DCD: variants seen among roughly 807,000 people sequenced by gnomAD.
The protein encoded by DCD is diffusible survival/evasion peptide.
Under a neutral mutation model 14.5 loss-of-function variants are expected in DCD, and 17 were observed. The ratio of observed to expected loss-of-function variants is 1.18; its 90% confidence interval spans 0.81 to 1.76. DCD has a LOEUF of 1.76. Among genes scored for constraint, DCD ranks in the 40% most tolerant of loss-of-function variants. The probability of loss-of-function intolerance (pLI) is 0.00; values close to 1 mark genes in which losing one functional copy is unlikely to be tolerated. For synonymous variants in DCD, 64 were observed against 54.0 expected, an observed-to-expected ratio of 1.19 and a Z score of -0.82; for missense variants, 139 against 133.4, an observed-to-expected ratio of 1.04 and a Z score of -0.21.
intron 4 of DCD, 134 bp from the exon 5 acceptor site, chr12:54,644,890 G>A (rs1958244039): frequency 6.4e-7 from 1 of 1,550,810 alleles, no homozygotes; most frequent in Admixed American, 2.0e-5. Context: ...TTACACAGAA[G>A]TCAGAGGGAT....
intron 2 of DCD, among the ~76,000 whole-genome samples, chr12:54,646,496 T>C (rs1958262350): frequency 6.6e-6 from 1 of 151,762 alleles, no homozygotes; most frequent in East Asian, 1.9e-4. Flanking sequence ...AGAGGCACCA[T>C]ACACACCAGG....
chr12:54,645,552 T>A (rs1393224883), intron 3 of DCD, 54 bp downstream of exon 3: 1 of 1,491,906 alleles, frequency 6.7e-7, no homozygotes, highest in African/African-American at 1.4e-5. Flanking sequence ...CCCCCAGATA[T>A]CTTGCTGTTT....
intron 1 of DCD, among the ~76,000 whole-genome samples, chr12:54,647,461 C>G (rs1336926229): frequency 6.6e-6 from 1 of 152,194 alleles, no homozygotes; most frequent in African/African-American, 2.4e-5. Context: ...GTTGAAGGGG[C>G]ATGACCACGA....
chr12:54,644,920 G>A (rs7301225), intron 4 of DCD, 164 bp from the exon 5 acceptor site: 30 of 1,549,468 alleles, frequency 1.9e-5, no homozygotes, highest in Non-Finnish European at 2.4e-5. Flanking sequence ...ATTCACAGGA[G>A]CCCCAAAGAC....
intron 2 of DCD, chr12:54,646,200 G>T: frequency 2.2e-6 from 1 of 454,282 alleles, no homozygotes; most frequent in Non-Finnish European, 4.4e-6. Flanking sequence ...CGCTCCAGGG[G>T]CATCTGAGAA....
chr12:54,647,052 C>T (rs1958266902), intron 2 of DCD, 69 bp downstream of exon 2: 5 of 1,492,024 alleles, frequency 3.4e-6, no homozygotes, highest in Non-Finnish European at 4.5e-6. Context: ...CTCTGACTTC[C>T]TCCACTCATA....
chr12:54,645,392 C>T, intron 3 of DCD, 130 bp from the exon 4 acceptor site: 1 of 984,350 alleles, frequency 1.0e-6, no homozygotes, highest in African/African-American at 1.6e-5. Context: ...GAACCAACTT[C>T]TCTGTCATGG....
intron 2 of DCD, among the ~76,000 whole-genome samples, chr12:54,646,301 T>C (rs532327228): frequency 6.6e-6 from 1 of 151,844 alleles, no homozygotes; most frequent in African/African-American, 2.4e-5. Flanking sequence ...CGCAGTGCAG[T>C]GAAGATGTGC....
chr12:54,647,091 A>G (rs1279659911), intron 2 of DCD, 30 bp downstream of exon 2: 1 of 1,551,198 alleles, frequency 6.4e-7, no homozygotes, highest in Non-Finnish European at 8.7e-7. Flanking sequence ...CCCACCCAGG[A>G]CTGGGGCAGG....
chr12:54,645,087 A>T, intron 4 of DCD, 86 bp downstream of exon 4: 1 of 1,516,260 alleles, frequency 6.6e-7, no homozygotes, highest in South Asian at 1.1e-5. Flanking sequence ...GGGGTCTTCA[A>T]TGGGGGGGCT....
intron 2 of DCD, among the ~76,000 whole-genome samples, chr12:54,646,689 T>A (rs935677738): frequency 6.6e-6 from 1 of 152,122 alleles, no homozygotes; most frequent in Non-Finnish European, 1.5e-5. Flanking sequence ...GAAATTATAT[T>A]TGAAAAGTAC....
intron 2 of DCD, chr12:54,645,963 T>A (rs1169952038): frequency 5.8e-6 from 3 of 517,830 alleles, no homozygotes; most frequent in Non-Finnish European, 3.7e-6. Flanking sequence ...AAAAGTAAAG[T>A]CATTTTGGCA....
intron 4 of DCD, 79 bp downstream of exon 4, chr12:54,645,094 G>C (rs553784242): frequency 2.3e-5 from 35 of 1,522,006 alleles, no homozygotes; most frequent in African/African-American, 4.1e-5. Flanking sequence ...TCAATGGGGG[G>C]GCTGTGGCAG....
chr12:54,645,697 T>G lies in DCD; in HGVS notation c.108A>C (p.Glu36Asp). 6.2e-7 allele frequency: 1 copy of G among 1,614,018 alleles called. No homozygotes were observed. ...CATTTTCCTTTTGAGCTGCTGATGC[T>G]TCATGGCAAGCTGCAAGGGTAAGGG... ...SAPGSGNPCHEASAAQKENAG... is the reference protein window; with the variant it reads ...SAPGSGNPCHDASAAQKENAG... The change falls in exon 3 of 5, where the codon GAA (glutamate) becomes GAC (aspartate). Residue 36 changes from glutamate (E) to aspartate (D), a missense_variant. Physicochemically the swap from Glu to Asp is conservative, Grantham distance 45. Coordinates refer to ENST00000293371, the MANE Select transcript of DCD (RefSeq NM_053283.4).
chr12:54,645,724 G>A lies in DCD; in HGVS notation c.98-17C>T. On this transcript the variant is annotated splice_polypyrimidine_tract_variant and intron_variant, in intron 2 of 4. Coordinates refer to ENST00000293371, the MANE Select transcript of DCD (RefSeq NM_053283.4). ...CATGGCAAGCTGCAAGGGTAAGGGAGTGAGAGGAATAATAGCTATTTCACT... is the reference window on the plus strand; with the variant it reads ...CATGGCAAGCTGCAAGGGTAAGGGAATGAGAGGAATAATAGCTATTTCACT... 1.2e-6 allele frequency: 2 copies of A among 1,605,970 alleles called. No homozygotes were observed. The highest frequency in any genetic ancestry group is 1.7e-6 in the Non-Finnish European group (2 of 1,172,692).
In DCD at chr12:54,644,623, AATTT is replaced by A; in HGVS notation, c.*86_*89del. On this transcript the variant is annotated 3_prime_UTR_variant, in exon 5 of 5. Coordinates refer to ENST00000293371, the MANE Select transcript of DCD (RefSeq NM_053283.4). The stretch of plus-strand genomic sequence containing the variant: ...TGCTTTCAGTTTAATAGCTGTTTTA[AATTT>A]TTTTTTTTTTTTTTTTTTTTAGGTT... 2 of 879,020 alleles carry A rather than the reference AATTT, an allele frequency of 2.3e-6. No individual in the cohort carries two copies. The highest frequency in any genetic ancestry group is 1.9e-5 in the African/African-American group (1 of 52,736). 54.5% of individuals were successfully genotyped at this position (879,020 alleles called of 1,614,324 possible). A position where few individuals can be genotyped will look rare whatever the true frequency, so the allele number is the denominator to read the frequency against.
intron 1 of DCD, among the ~76,000 whole-genome samples, chr12:54,647,396 G>T (rs557414129): frequency 6.6e-6 from 1 of 152,262 alleles, no homozygotes; most frequent in African/African-American, 2.4e-5. Context: ...CTATGGAAAT[G>T]GAATCATTCT....
At chr12:54,647,077 C>A in intron 2 of DCD, 44 bp downstream of exon 2, 5 of 1,543,142 alleles carry the variant, frequency 3.2e-6, no homozygotes, top group Admixed American at 2.0e-5. Flanking sequence ...AAGTCATTAA[C>A]CCTCCCACCC....
Position 54,648,283 on chromosome 12 carries a change from G to A in DCD, c.21C>T (p.Leu7=), listed in dbSNP as rs1958278060. 2 of 1,614,046 alleles carry A rather than the reference G, an allele frequency of 1.2e-6. No homozygotes were observed. The highest frequency in any genetic ancestry group is 1.7e-6 in the Non-Finnish European group (2 of 1,179,998). The change falls in exon 1 of 5, where the codon CTC becomes CTT. Residue 7 remains leucine (L), a synonymous_variant. Transcript: ENST00000293371. The part of the protein sequence containing the change: MRFMTL[L]FLTALAGALV... ...GGGCTCCTGCCAGAGCTGTCAGGAA[G>A]AGGAGAGTCATGAACCTCATGCTTC...
Sources: allele counts gnomAD v4.1 joint callset (sites outside exome capture counted in the v4.1 genomes callset), GRCh38; gene constraint gnomAD v4.1.1; transcripts MANE v1.5; gene names NCBI Gene and HGNC (gene_info 2026-07-23, HGNC 2026-07-21).